Variants in GPM6A observed in about 807,000 individuals in gnomAD.
The protein encoded by GPM6A is glycoprotein M6A.
In GPM6A, 7 loss-of-function variants were observed where a neutral mutation model predicts 32.1. The ratio of observed to expected loss-of-function variants is 0.22; its 90% CI spans 0.12 to 0.41. The LOEUF (loss-of-function observed/expected upper bound fraction) is 0.41, where lower values mean the gene tolerates loss of function less well. GPM6A is among the 10% of genes least tolerant of loss of function. The pLI, the probability that GPM6A is intolerant of heterozygous loss-of-function variation, is 1.00. For synonymous variants in GPM6A, 130 were observed against 123.4 expected (o/e 1.05, Z -0.35); for missense variants, 235 against 347.2 (o/e 0.68, Z 2.57).
At chr4:175,897,622 A>G (rs890478864) in intron 1 of GPM6A, among the ~76,000 whole-genome samples, 2 of 152,152 alleles carry the variant, frequency 1.3e-5, no homozygotes, top group African/African-American at 4.8e-5. Context: ...AAACTGTAAA[A>G]ACGTTAGAGA....
At chr4:175,944,963 G>A (rs895395923) in intron 1 of GPM6A, among the ~76,000 whole-genome samples, 4 of 151,320 alleles carry the variant, frequency 2.6e-5, no homozygotes, top group South Asian at 4.2e-4. Flanking sequence ...TTGTTTTTTC[G>A]GTCCCCAAAC....
chr4:175,921,038 C>T (rs1473121576), intron 1 of GPM6A, among the ~76,000 whole-genome samples: 1 of 151,174 alleles, frequency 6.6e-6, no homozygotes, highest in Non-Finnish European at 1.5e-5. Flanking sequence ...AAATAATTTC[C>T]ATCATGAAGA....
intron 1 of GPM6A, among the ~76,000 whole-genome samples, chr4:175,997,134 G>C (rs59634557): frequency 6.6e-6 from 1 of 152,074 alleles, no homozygotes; most frequent in Non-Finnish European, 1.5e-5. Context: ...TCAGATGGCT[G>C]AATCCCCTGC....
chr4:175,964,149 A>T (rs1740257915), intron 1 of GPM6A, among the ~76,000 whole-genome samples: 1 of 152,106 alleles, frequency 6.6e-6, no homozygotes, highest in Non-Finnish European at 1.5e-5. Context: ...CAAGTAGAAA[A>T]CAATAGCACA....
intron 1 of GPM6A, among the ~76,000 whole-genome samples, chr4:175,718,765 C>T (rs1380933394): frequency 2.0e-5 from 3 of 152,158 alleles, no homozygotes; most frequent in Non-Finnish European, 2.9e-5. Context: ...TCTACCAGCA[C>T]ACTCCACTAC....
Position 175,660,017 on chromosome 4 carries a change from C to A in GPM6A, c.388-8030G>T, listed in dbSNP as rs578068915. On this transcript the variant is annotated intron_variant, in intron 3 of 6. Coordinates refer to ENST00000393658, the MANE Select transcript of GPM6A (RefSeq NM_201591.3). ...ACGTTAAATGTCATTTTTAAACTGA[C>A]AAATCTCAAGATTTTACAAGATGAT... Among the ~76,000 whole-genome samples, 302 of 152,158 alleles carry A rather than the reference C, an allele frequency of 2.0e-3. 1 individual carries two copies. Among genetic ancestry groups the A allele is most frequent in the African/African-American group, 6.9e-3 (288 of 41,518 alleles).
chr4:175,803,544 T>C (rs1734562358), intron 1 of GPM6A, among the ~76,000 whole-genome samples: 1 of 152,156 alleles, frequency 6.6e-6, no homozygotes, highest in Non-Finnish European at 1.5e-5. Context: ...GTTCCAGGAA[T>C]TGTAATAGGC....
At chr4:175,764,999 G>A (rs1450198964) in intron 1 of GPM6A, among the ~76,000 whole-genome samples, 4 of 151,802 alleles carry the variant, frequency 2.6e-5, no homozygotes, top group South Asian at 2.1e-4. Flanking sequence ...TCAGCCTCCC[G>A]AATAGCTGGG....
At chr4:175,986,633 T>C (rs1740983505) in intron 1 of GPM6A, among the ~76,000 whole-genome samples, 1 of 152,230 alleles carries the variant, frequency 6.6e-6, no homozygotes, top group Non-Finnish European at 1.5e-5. Context: ...CTTTCTTATA[T>C]TTTCCTGTTG....
At chr4:175,907,738 C>T (rs1001549541) in intron 1 of GPM6A, among the ~76,000 whole-genome samples, 8 of 152,250 alleles carry the variant, frequency 5.3e-5, no homozygotes, top group African/African-American at 1.9e-4. Context: ...TGGTTTATTA[C>T]TATTAGATCA....
chr4:175,879,462 G>A (rs1314529471), intron 1 of GPM6A, among the ~76,000 whole-genome samples: 2 of 152,128 alleles, frequency 1.3e-5, no homozygotes, highest in East Asian at 3.9e-4. Context: ...CATGGTGGTA[G>A]CTAACTCTTC....
At chr4:175,720,266 G>A (rs995697256) in intron 1 of GPM6A, among the ~76,000 whole-genome samples, 1 of 152,006 alleles carries the variant, frequency 6.6e-6, no homozygotes, top group Non-Finnish European at 1.5e-5. Flanking sequence ...TCCTTAAGAG[G>A]GCTCAGCCTA....
chr4:175,988,886 TC>T (rs1280914302), intron 1 of GPM6A, among the ~76,000 whole-genome samples: 1 of 152,130 alleles, frequency 6.6e-6, no homozygotes, highest in Non-Finnish European at 1.5e-5. Context: ...TAGATTTTTT[TC>T]ATACTAAACA....
chr4:175,908,865 C>G (rs1054561912), intron 1 of GPM6A, among the ~76,000 whole-genome samples: 2 of 151,924 alleles, frequency 1.3e-5, no homozygotes, highest in Non-Finnish European at 2.9e-5. Flanking sequence ...TTTGTCTTTG[C>G]AAGAATAATT....
intron 5 of GPM6A, among the ~76,000 whole-genome samples, chr4:175,640,480 GCT>G (rs1015305375): frequency 2.0e-5 from 3 of 152,112 alleles, no homozygotes; most frequent in African/African-American, 7.2e-5. Flanking sequence ...GGAGGGCTAT[GCT>G]CTCTTTAAAA....
intron 2 of GPM6A, among the ~76,000 whole-genome samples, chr4:175,675,854 G>A (rs1209784412): frequency 6.6e-6 from 1 of 151,938 alleles, no homozygotes; most frequent in Non-Finnish European, 1.5e-5. Context: ...GTTTTGCCAT[G>A]CTGCCCAGAT....
intron 1 of GPM6A, among the ~76,000 whole-genome samples, chr4:175,925,582 T>C (rs1218407534): frequency 6.6e-6 from 1 of 151,120 alleles, no homozygotes; most frequent in Non-Finnish European, 1.5e-5. Flanking sequence ...AGTTAAAATG[T>C]TCATCGACAA....
intron 1 of GPM6A, among the ~76,000 whole-genome samples, chr4:175,710,555 T>C (rs921413824): frequency 6.6e-6 from 1 of 152,190 alleles, no homozygotes; most frequent in Admixed American, 6.5e-5. Flanking sequence ...TTAGGGAATA[T>C]GGTCTATAGG....
chr4:175,780,253 G>T (rs959572015), intron 1 of GPM6A, among the ~76,000 whole-genome samples: 2 of 151,972 alleles, frequency 1.3e-5, no homozygotes. Flanking sequence ...TTTCCATATT[G>T]GCCAGGCTGG....
Sources: allele counts gnomAD v4.1 joint callset (sites outside exome capture counted in the v4.1 genomes callset), GRCh38; gene constraint gnomAD v4.1.1; transcripts MANE v1.5; gene names NCBI Gene and HGNC (gene_info 2026-07-23, HGNC 2026-07-21).